Variants in RALGAPA1 observed in about 807,000 individuals in gnomAD.
RALGAPA1 encodes the protein ral GTPase-activating protein subunit alpha-1.
A neutral mutation model predicts 269.6 loss-of-function variants in RALGAPA1; 52 were observed. The observed-to-expected ratio is 0.19, with a 90% CI of 0.15 to 0.24. The LOEUF (loss-of-function observed/expected upper bound fraction) is 0.24. RALGAPA1 is among the 10% of genes least tolerant of loss of function. RALGAPA1 has a pLI of 1.00. For synonymous variants in RALGAPA1, 817 were observed against 1,008.3 expected (o/e 0.81, Z 3.60); for missense variants, 1,917 against 3,013.9 (o/e 0.64, Z 8.52).
chr14:35,708,198 A>G (rs2067978122), intron 16 of RALGAPA1, among the ~76,000 whole-genome samples: 2 of 152,264 alleles, frequency 1.3e-5, no homozygotes, highest in Non-Finnish European at 2.9e-5. Flanking sequence ...ACAATGAAGC[A>G]GGCAAAGACT....
chr14:35,568,047 G>A (rs2056851807), intron 39 of RALGAPA1, among the ~76,000 whole-genome samples: 2 of 152,082 alleles, frequency 1.3e-5, no homozygotes, highest in African/African-American at 4.8e-5. Context: ...AAATTTATGG[G>A]TAATAACCTG....
chr14:35,609,548 A>G (rs991626217), intron 35 of RALGAPA1, among the ~76,000 whole-genome samples: 1 of 152,326 alleles, frequency 6.6e-6, no homozygotes, highest in African/African-American at 2.4e-5. Context: ...AAATGCCTCT[A>G]TTAAAAAAGA....
At chr14:35,572,930 G>A (rs2057316918) in intron 37 of RALGAPA1, 1 of 319,510 alleles carries the variant, frequency 3.1e-6, no homozygotes, top group Admixed American at 4.9e-5. Flanking sequence ...ATGGGTAACA[G>A]AGAACTTAGA....
intron 30 of RALGAPA1, among the ~76,000 whole-genome samples, chr14:35,652,375 T>TATATAC (rs1209244579): frequency 1.3e-5 from 2 of 151,534 alleles, no homozygotes; most frequent in African/African-American, 4.9e-5. Context: ...TATATATATA[T>TATATAC]ATATATATAC....
intron 1 of RALGAPA1, among the ~76,000 whole-genome samples, chr14:35,782,740 C>A (rs2075534077): frequency 6.6e-6 from 1 of 151,956 alleles, no homozygotes; most frequent in Admixed American, 6.6e-5. Flanking sequence ...TACTCTTTAC[C>A]AAAATCCTAA....
chr14:35,711,397 C>A (rs2068323471), intron 16 of RALGAPA1, among the ~76,000 whole-genome samples: 1 of 151,982 alleles, frequency 6.6e-6, no homozygotes, highest in Non-Finnish European at 1.5e-5. Context: ...TTAAAAAAAC[C>A]TTTTTTAGTG....
At chr14:35,734,319 G>A (rs2070776226) in intron 12 of RALGAPA1, among the ~76,000 whole-genome samples, 1 of 152,024 alleles carries the variant, frequency 6.6e-6, no homozygotes, top group African/African-American at 2.4e-5. Flanking sequence ...GTAAGGCCAT[G>A]GTCACCAAAA....
chr14:35,648,514 G>T (rs2062606941), intron 31 of RALGAPA1, among the ~76,000 whole-genome samples: 1 of 151,782 alleles, frequency 6.6e-6, no homozygotes. Context: ...TGGGCACAGT[G>T]ACTCACATCT....
chr14:35,638,939 G>GAA (rs1016970210), intron 31 of RALGAPA1, among the ~76,000 whole-genome samples: 1 of 147,980 alleles, frequency 6.8e-6, no homozygotes, highest in Non-Finnish European at 1.5e-5. Context: ...AAGAAAGAAA[G>GAA]AAAAAAAAAG....
At chr14:35,638,873 C>A (rs1401485233) in intron 31 of RALGAPA1, among the ~76,000 whole-genome samples, 1 of 151,986 alleles carries the variant, frequency 6.6e-6, no homozygotes, top group African/African-American at 2.4e-5. Flanking sequence ...TTGCAGTGAG[C>A]TGAGATTGCG....
At position 35,728,352 on chromosome 14, in the gene RALGAPA1, A is replaced by AT. The variant is rs2070166567; in HGVS notation, c.1736+9dup. ...AAACACATAGACATAAAGGATAAAAATTTTTTTACCAAGTCTTTTTGTCCA... is the reference window on the plus strand; with the variant it reads ...AAACACATAGACATAAAGGATAAAAATTTTTTTTACCAAGTCTTTTTGTCCA... On this transcript the variant is annotated intron_variant, in intron 13 of 41. Transcript: ENST00000680220. The AT allele has an allele frequency of 2.6e-6, 4 of 1,545,746 alleles. No homozygotes were observed. Among genetic ancestry groups the AT allele is most frequent in the East Asian group, 4.6e-5 (2 of 43,932 alleles).
At chr14:35,579,823 TG>T (rs1269675109) in intron 37 of RALGAPA1, among the ~76,000 whole-genome samples, 7 of 152,140 alleles carry the variant, frequency 4.6e-5, no homozygotes, top group Non-Finnish European at 8.8e-5. Context: ...ACTCAAACAA[TG>T]AGTATAATTT....
chr14:35,680,789 T>C (rs1185352361), intron 21 of RALGAPA1, among the ~76,000 whole-genome samples: 1 of 151,792 alleles, frequency 6.6e-6, no homozygotes, highest in Admixed American at 6.6e-5. Flanking sequence ...TAATTTTTTG[T>C]ATTTTTAGTA....
chr14:35,705,660 C>T (rs552764995), intron 16 of RALGAPA1, among the ~76,000 whole-genome samples: 1 of 152,230 alleles, frequency 6.6e-6, no homozygotes, highest in African/African-American at 2.4e-5. Context: ...ATGTTTTCAA[C>T]TAATATAGGT....
rs375899992 is a variant in RALGAPA1 at position 35,575,745 on chromosome 14, C to T, written c.7210-3027G>A. On this transcript the variant is annotated intron_variant, in intron 37 of 41. Coordinates refer to ENST00000680220, the MANE Select transcript of RALGAPA1 (RefSeq NM_001346249.2). ...AAGTAGCTGGGATTACAGGCTCCCA[C>T]CCCCACGCCCAGCTAATTTTTTATT... Among the ~76,000 whole-genome samples, 12 of 152,248 alleles carry T rather than the reference C, an allele frequency of 7.9e-5. No homozygotes were observed. In the South Asian group the frequency reaches 1.7e-3, roughly 21 times the overall value.
chr14:35,740,472 T>C lies in RALGAPA1; in HGVS notation c.1450-1822A>G, dbSNP rs569553264. On this transcript the variant is annotated intron_variant, in intron 11 of 41. Coordinates refer to ENST00000680220, the MANE Select transcript of RALGAPA1 (RefSeq NM_001346249.2). ...AAAAAAGAAACTGTCTTGTATTCTG[T>C]ATGTCTTTCAAATGTCTCACAGATG... 2.6e-5 allele frequency among the ~76,000 whole-genome samples: 4 copies of C among 152,342 alleles called. No homozygotes were observed. The East Asian group carries it at 7.7e-4, about 29-fold the overall frequency.
intron 34 of RALGAPA1, among the ~76,000 whole-genome samples, chr14:35,626,004 C>T (rs368331861): frequency 1.1e-4 from 17 of 152,218 alleles, no homozygotes; most frequent in African/African-American, 2.4e-4. Context: ...GGACAACATA[C>T]GGACCATTCT....
At chr14:35,649,641 TTGTCTCTATTTA>T (rs1289909711) in intron 31 of RALGAPA1, among the ~76,000 whole-genome samples, 1 of 152,242 alleles carries the variant, frequency 6.6e-6, no homozygotes, top group African/African-American at 2.4e-5. Context: ...ATTCTACTGT[TTGTCTCTATTTA>T]TGTCTCTATT....
At chr14:35,596,118 T>C (rs1246640835) in intron 36 of RALGAPA1, among the ~76,000 whole-genome samples, 1 of 151,954 alleles carries the variant, frequency 6.6e-6, no homozygotes, top group Non-Finnish European at 1.5e-5. Flanking sequence ...AGTATGGAAA[T>C]AGTTTGGGGA....
Sources: allele counts gnomAD v4.1 joint callset (sites outside exome capture counted in the v4.1 genomes callset), GRCh38; gene constraint gnomAD v4.1.1; transcripts MANE v1.5; gene names NCBI Gene and HGNC (gene_info 2026-07-23, HGNC 2026-07-21).